PDZRN3: variants seen among roughly 807,000 people sequenced by gnomAD.
PDZRN3 encodes the protein PDZ domain containing ring finger 3, also known as E3 ubiquitin-protein ligase PDZRN3.
Under a neutral mutation model 85.7 loss-of-function variants are expected in PDZRN3, and 38 were observed. The observed-to-expected ratio is 0.44, with a 90% confidence interval of 0.34 to 0.58. PDZRN3 has a LOEUF of 0.58. Ranked by LOEUF, PDZRN3 falls within the 20% of genes least tolerant of loss-of-function variation. PDZRN3 has a pLI of 0.01. For synonymous variants in PDZRN3, 759 were observed against 638.0 expected, an observed-to-expected ratio of 1.19 and a Z score of -2.86; for missense variants, 1,629 against 1,506.4, an observed-to-expected ratio of 1.08 and a Z score of -1.35.
chr3:73,420,295 G>T (rs1702173223), intron 3 of PDZRN3, among the ~76,000 whole-genome samples: 1 of 152,216 alleles, frequency 6.6e-6, no homozygotes, highest in Non-Finnish European at 1.5e-5. Context: ...CACCCCAAGT[G>T]CTGGCTGCGC....
chr3:73,563,271 G>A (rs1229145881), intron 3 of PDZRN3, among the ~76,000 whole-genome samples: 1 of 150,734 alleles, frequency 6.6e-6, no homozygotes, highest in Admixed American at 6.6e-5. Flanking sequence ...TCCTGACCTC[G>A]TGATCCGCCC....
rs1330098342 is a variant in PDZRN3, at chr3:73,484,102, AT to A, written c.919-79708del. ...GGGGCCTGGGGTGGATAAGGAGGGG[AT>A]GATATGAGAAATAATTTAAAGTTAG... On this transcript the variant is annotated intron_variant, in intron 3 of 9. Transcript: ENST00000263666. 3.9e-5 allele frequency among the ~76,000 whole-genome samples: 6 copies of A among 152,194 alleles called. No homozygotes were observed. In the East Asian group the frequency reaches 1.2e-3, roughly 29 times the overall value.
At chr3:73,413,246 C>A (rs963142144) in intron 3 of PDZRN3, among the ~76,000 whole-genome samples, 1 of 152,210 alleles carries the variant, frequency 6.6e-6, no homozygotes, top group Middle Eastern at 3.4e-3. Context: ...CTATCTTTTT[C>A]GGGAAATACT....
In PDZRN3 at chr3:73,384,332, T is replaced by C; in HGVS notation, c.2234A>G (p.Glu745Gly). 6.2e-7 allele frequency: 1 copy of C among 1,611,542 alleles called. No individual in the cohort carries two copies. The highest frequency in any genetic ancestry group is 8.5e-7 in the Non-Finnish European group (1 of 1,179,962). ...GTCCTTGTCGGATTTCTCCGGGAGC[T>C]CGGTGATATCTGAGAGCTCGTGTCT... ...VRRHELSDIT[E>G]LPEKSDKDSS... Residue 745 changes from glutamate (E) to glycine (G), a missense_variant, in exon 10 of 10, where the codon GAG becomes GGG. By Grantham distance (98) the Glu-to-Gly change is moderately conservative (BLOSUM62 -2). Coordinates refer to ENST00000263666, the MANE Select transcript of PDZRN3 (RefSeq NM_015009.3).
At position 73,385,723 on chromosome 3, in the gene PDZRN3, C is replaced by T. The variant is rs138891451; in HGVS notation, c.1581G>A (p.Met527Ile). The change falls in exon 9 of 10, where the codon ATG becomes ATA. Residue 527 changes from methionine (M) to isoleucine (I), a missense_variant. Transcript: ENST00000263666. ...TGGCCTGGTGGTGCTGCTCCTCCAG[C>T]ATGTCCATGTGCAGGTCATCCAGAA... ...NDFLDDLHMD[M>I]LEEQHHQAMQ... The T allele has an allele frequency of 2.6e-5, 42 of 1,613,930 alleles. 1 individual carries two copies. Among genetic ancestry groups the T allele is most frequent in the Non-Finnish European group, 3.0e-5 (35 of 1,179,924 alleles).
At chr3:73,473,276 G>A (rs1425428196) in intron 3 of PDZRN3, among the ~76,000 whole-genome samples, 2 of 152,002 alleles carry the variant, frequency 1.3e-5, no homozygotes, top group African/African-American at 4.8e-5. Context: ...TAATGACAGG[G>A]CCAATATTTG....
chr3:73,490,889 C>T (rs1168655918), intron 3 of PDZRN3, among the ~76,000 whole-genome samples: 2 of 152,188 alleles, frequency 1.3e-5, no homozygotes, highest in African/African-American at 2.4e-5. Flanking sequence ...CAAGGACTCC[C>T]TGGCCAGAGA....
chr3:73,565,347 A>G (rs1701923251), intron 3 of PDZRN3, among the ~76,000 whole-genome samples: 1 of 151,766 alleles, frequency 6.6e-6, no homozygotes, highest in African/African-American at 2.4e-5. Flanking sequence ...CCAGGCTGGT[A>G]CTGAACTCCT....
chr3:73,607,688 A>AT (rs573457428), intron 2 of PDZRN3, among the ~76,000 whole-genome samples: 4 of 149,592 alleles, frequency 2.7e-5, no homozygotes, highest in East Asian at 2.0e-4. Flanking sequence ...CCATCCTCCC[A>AT]TTTTTTTTTC....
At chr3:73,544,687 G>T (rs1701378389) in intron 3 of PDZRN3, among the ~76,000 whole-genome samples, 3 of 144,100 alleles carry the variant, frequency 2.1e-5, no homozygotes, top group Non-Finnish European at 3.1e-5. Context: ...CACTATCTGG[G>T]TTTTTTTTTT....
chr3:73,616,878 C>A (rs1418652532), intron 1 of PDZRN3, among the ~76,000 whole-genome samples: 1 of 152,132 alleles, frequency 6.6e-6, no homozygotes, highest in Non-Finnish European at 1.5e-5. Flanking sequence ...CTCCCAGGGG[C>A]CCTCAACAAC....
At chr3:73,522,219 AGAAGTAT>A (rs1704384751) in intron 3 of PDZRN3, among the ~76,000 whole-genome samples, 3 of 152,222 alleles carry the variant, frequency 2.0e-5, no homozygotes, top group African/African-American at 7.2e-5. Flanking sequence ...GGCCCTTTAA[AGAAGTAT>A]GCTGGCCCCT....
At chr3:73,407,011 G>C (rs146347804) in intron 3 of PDZRN3, among the ~76,000 whole-genome samples, 106 of 152,216 alleles carry the variant, frequency 7.0e-4, no homozygotes, top group Non-Finnish European at 1.2e-4. Context: ...CTTTCTACCA[G>C]ATCCTATATC....
At chr3:73,536,010 C>G (rs1241605221) in intron 3 of PDZRN3, among the ~76,000 whole-genome samples, 1 of 152,178 alleles carries the variant, frequency 6.6e-6, no homozygotes, top group Admixed American at 6.5e-5. Flanking sequence ...GACAGGTCCC[C>G]TTAACACATA....
At chr3:73,447,453 C>T (rs1702773527) in intron 3 of PDZRN3, among the ~76,000 whole-genome samples, 3 of 152,118 alleles carry the variant, frequency 2.0e-5, no homozygotes, top group African/African-American at 7.2e-5. Flanking sequence ...TTTGCTGACA[C>T]GTTCCTCCAT....
At chr3:73,491,999 T>C (rs1246150258) in intron 3 of PDZRN3, among the ~76,000 whole-genome samples, 1 of 152,088 alleles carries the variant, frequency 6.6e-6, no homozygotes, top group Non-Finnish European at 1.5e-5. Context: ...CTTTGATATG[T>C]GCTTCTTCAC....
At chr3:73,433,970 C>T (rs1702483997) in intron 3 of PDZRN3, 2 of 1,306,924 alleles carry the variant, frequency 1.5e-6, no homozygotes, top group Middle Eastern at 2.9e-4. Flanking sequence ...GCACACCACT[C>T]CCTCCTCTGA....
chr3:73,535,449 TGATAC>T (rs1704759905), intron 3 of PDZRN3, among the ~76,000 whole-genome samples: 1 of 152,168 alleles, frequency 6.6e-6, no homozygotes, highest in Non-Finnish European at 1.5e-5. Context: ...GGAGCATCAG[TGATAC>T]AAATGCCCAG....
chr3:73,445,699 C>G (rs6777940), intron 3 of PDZRN3, among the ~76,000 whole-genome samples: 135,933 of 152,296 alleles, frequency 0.89, 60,767 homozygotes, highest in East Asian at 0.98. Flanking sequence ...CAACTCAATA[C>G]ACTTGAGAGC....
Sources: allele counts gnomAD v4.1 joint callset (sites outside exome capture counted in the v4.1 genomes callset), GRCh38; gene constraint gnomAD v4.1.1; transcripts MANE v1.5; gene names NCBI Gene and HGNC (gene_info 2026-07-23, HGNC 2026-07-21).